TEC: variants seen among roughly 807,000 people sequenced by gnomAD.
TEC encodes tec protein tyrosine kinase.
Under a neutral mutation model 93.0 loss-of-function variants are expected in TEC, and 72 were observed. The ratio of observed to expected loss-of-function variants is 0.77; its 90% confidence interval spans 0.64 to 0.94. The LOEUF is 0.94. TEC is among the 40% of genes least tolerant of loss of function. TEC has a pLI of 0.00. For synonymous variants in TEC, 249 were observed against 247.7 expected (o/e 1.01, Z -0.05); for missense variants, 630 against 757.9 (o/e 0.83, Z 1.98).
At chr4:48,185,408 G>A (rs1411486336) in intron 2 of TEC, among the ~76,000 whole-genome samples, 1 of 152,134 alleles carries the variant, frequency 6.6e-6, no homozygotes, top group Non-Finnish European at 1.5e-5. Flanking sequence ...TTTTTACATA[G>A]AGCTTTCTAA....
chr4:48,170,157 G>T, intron 5 of TEC, 91 bp downstream of exon 5: 1 of 1,117,722 alleles, frequency 8.9e-7, no homozygotes, highest in Non-Finnish European at 1.3e-6. Flanking sequence ...AAAGTGTGCT[G>T]TACTTAATCA....
At chr4:48,242,251 C>A (rs1723940683) in intron 1 of TEC, among the ~76,000 whole-genome samples, 1 of 152,214 alleles carries the variant, frequency 6.6e-6, no homozygotes, top group South Asian at 2.1e-4. Context: ...ATATCAATTT[C>A]TCAAAAGCAT....
chr4:48,168,994 C>T (rs1211016510), intron 5 of TEC, among the ~76,000 whole-genome samples: 2 of 152,184 alleles, frequency 1.3e-5, no homozygotes, highest in African/African-American at 4.8e-5. Context: ...CTACAGTCCA[C>T]AGTCCTAGAG....
chr4:48,221,911 AT>A (rs1723278480), intron 2 of TEC, among the ~76,000 whole-genome samples: 1 of 152,216 alleles, frequency 6.6e-6, no homozygotes. Context: ...ATTTCTTATT[AT>A]ACTACACTAT....
At chr4:48,222,557 G>C (rs983935427) in intron 2 of TEC, among the ~76,000 whole-genome samples, 1 of 152,026 alleles carries the variant, frequency 6.6e-6, no homozygotes, top group Non-Finnish European at 1.5e-5. Flanking sequence ...GTGTTTCTCG[G>C]TGAGATCAGC....
Position 48,141,422 on chromosome 4 carries a change from G to C in TEC, c.1471-3C>G. ...CTTACTAGACAATTTCTGGCAGCCT[G>C]GAAAACAACATTATGATGGTATATT... On this transcript the variant is annotated splice_region_variant and splice_polypyrimidine_tract_variant and intron_variant, in intron 14 of 17. Coordinates refer to ENST00000381501, the MANE Select transcript of TEC (RefSeq NM_003215.3). 4 of 1,613,362 alleles carry C rather than the reference G, an allele frequency of 2.5e-6. No individual in the cohort carries two copies. Among genetic ancestry groups the C allele is most frequent in the Non-Finnish European group, 2.5e-6 (3 of 1,179,730 alleles).
chr4:48,229,706 G>A (rs1164942725), intron 1 of TEC, among the ~76,000 whole-genome samples: 1 of 151,986 alleles, frequency 6.6e-6, no homozygotes, highest in African/African-American at 2.4e-5. Context: ...AACCTGGGAG[G>A]TGGAGCGTGG....
intron 1 of TEC, among the ~76,000 whole-genome samples, chr4:48,237,692 A>G (rs1723823275): frequency 6.6e-6 from 1 of 152,202 alleles, no homozygotes; most frequent in South Asian, 2.1e-4. Context: ...AGAATTAGCA[A>G]TATTATATAA....
chr4:48,226,138 G>A (rs1484694072), intron 2 of TEC, among the ~76,000 whole-genome samples: 1 of 152,108 alleles, frequency 6.6e-6, no homozygotes, highest in African/African-American at 2.4e-5. Flanking sequence ...AACTCAATAT[G>A]TTTATCTTCT....
chr4:48,170,268 T>A lies in TEC; in HGVS notation c.434A>T (p.Lys145Ile). 6.3e-7 allele frequency: 1 copy of A among 1,595,020 alleles called. No homozygotes were observed. Among genetic ancestry groups the A allele is most frequent in the African/African-American group, 1.3e-5 (1 of 74,684 alleles). The change falls in exon 5 of 18, where the codon AAA becomes ATA. Residue 145 changes from lysine (K) to isoleucine (I), a missense_variant. This residue lies in a region of TEC where 335 missense variants were observed against 351.5 expected (regional missense o/e 0.95). Transcript: ENST00000381501. ...QTEKLAPGCEKYNLFESSIRK... is the reference protein window; with the variant it reads ...QTEKLAPGCEIYNLFESSIRK... ...CTTACTGCTCTCAAAAAGATTGTAT[T>A]TTTCACATCCGGGTGCTAATTTTTC...
At chr4:48,179,030 C>T (rs770756720) in intron 2 of TEC, among the ~76,000 whole-genome samples, 70 of 152,220 alleles carry the variant, frequency 4.6e-4, no homozygotes, top group Middle Eastern at 3.4e-3. Flanking sequence ...CACTCTTCTG[C>T]GCCCTTAGTG....
chr4:48,150,749 C>A, intron 10 of TEC, 114 bp downstream of exon 10: 1 of 704,198 alleles, frequency 1.4e-6, no homozygotes, highest in East Asian at 2.9e-5. Flanking sequence ...TTCAGGTTTT[C>A]TTTTTAATGG....
At chr4:48,154,408 T>C (rs1284057566) in intron 9 of TEC, among the ~76,000 whole-genome samples, 3 of 152,204 alleles carry the variant, frequency 2.0e-5, no homozygotes, top group Admixed American at 1.3e-4. Context: ...TTAAAATTAA[T>C]CACTTCCTAG....
At chr4:48,234,917 CAA>C (rs1302734753) in intron 1 of TEC, among the ~76,000 whole-genome samples, 1 of 152,094 alleles carries the variant, frequency 6.6e-6, no homozygotes, top group Non-Finnish European at 1.5e-5. Context: ...TAGAGACTGT[CAA>C]GAGACAAAAT....
chr4:48,144,574 T>C (rs1719824858), intron 14 of TEC, among the ~76,000 whole-genome samples: 1 of 152,212 alleles, frequency 6.6e-6, no homozygotes, highest in Non-Finnish European at 1.5e-5. Context: ...TTTTCTAGCA[T>C]TTTGAGAAGT....
At chr4:48,235,602 G>A (rs185371687) in intron 1 of TEC, among the ~76,000 whole-genome samples, 1 of 152,268 alleles carries the variant, frequency 6.6e-6, no homozygotes, top group Admixed American at 6.5e-5. Flanking sequence ...GGGGGAGGAG[G>A]CTGAGGGTAG....
At chr4:48,245,383 A>G (rs1413548821) in intron 1 of TEC, among the ~76,000 whole-genome samples, 1 of 152,190 alleles carries the variant, frequency 6.6e-6, no homozygotes, top group Non-Finnish European at 1.5e-5. Flanking sequence ...TCATCCAAAA[A>G]GACTTCACGT....
At chr4:48,168,051 T>A in intron 6 of TEC, 98 bp from the exon 7 acceptor site, 1 of 1,086,644 alleles carries the variant, frequency 9.2e-7, no homozygotes. Context: ...CAGAATAAAC[T>A]AGAAACTTCA....
chr4:48,178,011 T>C (rs1445635788), intron 2 of TEC, among the ~76,000 whole-genome samples: 1 of 152,172 alleles, frequency 6.6e-6, no homozygotes, highest in East Asian at 1.9e-4. Context: ...CAGTCTTTGG[T>C]ATGTCTTTAT....
Sources: gnomAD v4.1 joint callset for allele counts (sites outside exome capture counted in the v4.1 genomes callset) on GRCh38, gnomAD v4.1.1 for gene constraint, gnomAD v4.1.1 regional missense constraint, MANE v1.5 for transcripts, NCBI Gene and HGNC (gene_info 2026-07-23, HGNC 2026-07-21) for gene names.